Variants in CREB5 observed in about 807,000 individuals in gnomAD.
CREB5 encodes the protein cAMP responsive element binding protein 5.
Under a neutral mutation model 57.1 loss-of-function variants are expected in CREB5, and 19 were observed. The observed-to-expected ratio is 0.33, with a 90% CI of 0.23 to 0.49. CREB5 has a LOEUF of 0.49. Among genes scored for constraint, CREB5 ranks in the 20% least tolerant of loss-of-function variants. The pLI is 0.99. For missense variants in CREB5, 579 were observed against 671.6 expected, an observed-to-expected ratio of 0.86 and a Z score of 1.52; for synonymous variants, 238 against 238.3, an observed-to-expected ratio of 1.00 and a Z score of 0.01.
At chr7:28,554,884 A>G (rs1248332271) in intron 4 of CREB5, among the ~76,000 whole-genome samples, 1 of 152,250 alleles carries the variant, frequency 6.6e-6, no homozygotes, top group Admixed American at 6.5e-5. Context: ...GGAGAGCTTG[A>G]ATACAAGGAG....
intron 1 of CREB5, among the ~76,000 whole-genome samples, chr7:28,318,794 T>C (rs2127983419): frequency 6.6e-6 from 1 of 152,346 alleles, no homozygotes; most frequent in Admixed American, 6.5e-5. Context: ...CCTATGCTGC[T>C]ACATTGAAGA....
At chr7:28,517,543 G>A in intron 4 of CREB5, among the ~76,000 whole-genome samples, 1 of 152,304 alleles carries the variant, frequency 6.6e-6, no homozygotes, top group South Asian at 2.1e-4. Flanking sequence ...ACTTAGGAAA[G>A]TTGATCAAAC....
chr7:28,552,676 G>T (rs138763395), intron 4 of CREB5, among the ~76,000 whole-genome samples: 119 of 152,258 alleles, frequency 7.8e-4, no homozygotes, highest in African/African-American at 2.8e-3. Flanking sequence ...TGCCATCAGG[G>T]TTCATGCTAC....
chr7:28,490,126 T>TA (rs1383058351), intron 2 of CREB5, among the ~76,000 whole-genome samples: 1 of 152,240 alleles, frequency 6.6e-6, no homozygotes, highest in Admixed American at 6.5e-5. Context: ...ACACACTTTT[T>TA]GGGAGCCTAC....
chr7:28,373,991 C>T (rs1030183270), intron 1 of CREB5, among the ~76,000 whole-genome samples: 16 of 151,450 alleles, frequency 1.1e-4, no homozygotes, highest in East Asian at 1.9e-4. Context: ...TTAAGTGAAA[C>T]GGGGAAATTA....
At chr7:28,762,400 C>G (rs755211147) in intron 7 of CREB5, among the ~76,000 whole-genome samples, 1 of 152,140 alleles carries the variant, frequency 6.6e-6, no homozygotes, top group Non-Finnish European at 1.5e-5. Flanking sequence ...TTTCCAGCAA[C>G]CCTTTATTTT....
At chr7:28,451,504 C>G (rs1789810451) in intron 1 of CREB5, among the ~76,000 whole-genome samples, 1 of 148,566 alleles carries the variant, frequency 6.7e-6, no homozygotes, top group Admixed American at 6.7e-5. Context: ...TTGTCTATAT[C>G]TATATGTACT....
At chr7:28,515,902 A>C (rs1012288067) in intron 4 of CREB5, among the ~76,000 whole-genome samples, 1 of 141,332 alleles carries the variant, frequency 7.1e-6, no homozygotes, top group Admixed American at 7.1e-5. Flanking sequence ...GAAATGTTTA[A>C]AGTAAAAATA....
At chr7:28,612,844 T>C (rs992989997) in intron 5 of CREB5, among the ~76,000 whole-genome samples, 4 of 152,166 alleles carry the variant, frequency 2.6e-5, no homozygotes, top group African/African-American at 4.8e-5. Flanking sequence ...AGTGACTTTC[T>C]AAAAAATGTT....
At chr7:28,809,702 G>A (rs999123917) in intron 9 of CREB5, among the ~76,000 whole-genome samples, 1 of 152,200 alleles carries the variant, frequency 6.6e-6, no homozygotes, top group Non-Finnish European at 1.5e-5. Flanking sequence ...TCCAAACCAT[G>A]GTTCAGCAAT....
chr7:28,603,424 A>G (rs567761186), intron 5 of CREB5, among the ~76,000 whole-genome samples: 1 of 152,278 alleles, frequency 6.6e-6, no homozygotes, highest in East Asian at 1.9e-4. Flanking sequence ...GATCACATTG[A>G]AAGTAAAATT....
chr7:28,507,580 A>C, intron 3 of CREB5, 36 bp from the exon 4 acceptor site: 1 of 1,568,510 alleles, frequency 6.4e-7, no homozygotes, highest in Non-Finnish European at 8.7e-7. Context: ...TTTGAGAAAA[A>C]AGACCCATTT....
At chr7:28,317,319 G>T (rs2127983075) in intron 1 of CREB5, among the ~76,000 whole-genome samples, 1 of 152,308 alleles carries the variant, frequency 6.6e-6, no homozygotes, top group African/African-American at 2.4e-5. Flanking sequence ...ATCAGAGGTG[G>T]ATTTCTGGCT....
intron 1 of CREB5, among the ~76,000 whole-genome samples, chr7:28,325,246 G>A (rs768224518): frequency 3.9e-5 from 6 of 152,202 alleles, no homozygotes; most frequent in Non-Finnish European, 7.3e-5. Context: ...CACAAGGTCA[G>A]GAGATCGAGA....
At position 28,708,382 on chromosome 7, in the gene CREB5, G is replaced by A. The variant is rs541032484; in HGVS notation, c.465-10371G>A. Among the ~76,000 whole-genome samples, 95 of 152,194 alleles carry A rather than the reference G, an allele frequency of 6.2e-4. 2 individuals carry two copies. Among genetic ancestry groups the A allele is most frequent in the South Asian group, 3.3e-3 (16 of 4,804 alleles). On this transcript the variant is annotated intron_variant, in intron 5 of 10. Coordinates refer to ENST00000357727, the MANE Select transcript of CREB5 (RefSeq NM_182898.4). ...TATCGTGGAGCTAATAAATTCTAGC[G>A]CTGCCTTTTAAAGAGCTGAAATAAT...
At chr7:28,621,334 A>T (rs949753919) in intron 5 of CREB5, among the ~76,000 whole-genome samples, 9 of 152,198 alleles carry the variant, frequency 5.9e-5, no homozygotes, top group African/African-American at 2.2e-4. Flanking sequence ...GTTATGAACA[A>T]GGGAAAGTAT....
chr7:28,374,489 A>C (rs1331166771), intron 1 of CREB5, among the ~76,000 whole-genome samples: 1 of 152,236 alleles, frequency 6.6e-6, no homozygotes. Context: ...TATTCATACA[A>C]TGGAATAACT....
intron 7 of CREB5, among the ~76,000 whole-genome samples, chr7:28,798,501 G>A (rs556785404): frequency 5.2e-4 from 79 of 152,318 alleles, no homozygotes; most frequent in Non-Finnish European, 3.1e-4. Flanking sequence ...TGAGCTAAAC[G>A]GGAAATTAAA....
intron 4 of CREB5, among the ~76,000 whole-genome samples, chr7:28,508,524 A>G (rs1360257731): frequency 6.6e-6 from 1 of 152,246 alleles, no homozygotes; most frequent in Non-Finnish European, 1.5e-5. Flanking sequence ...GTAGTAATGA[A>G]TTCTGAAGTC....
Sources: allele counts gnomAD v4.1 joint callset (sites outside exome capture counted in the v4.1 genomes callset), GRCh38; gene constraint gnomAD v4.1.1; transcripts MANE v1.5; gene names NCBI Gene and HGNC (gene_info 2026-07-23, HGNC 2026-07-21).